The following SAMSN1 variants were observed in gnomAD, a reference collection of about 807,000 sequenced individuals.
SAMSN1 encodes the protein SAM domain, SH3 domain and nuclear localization signals 1.
SAMSN1 carries 31 observed loss-of-function variants against 42.0 expected under a neutral mutation model. That is an observed-to-expected ratio of 0.74 (90% CI 0.55 to 1.00). The LOEUF (loss-of-function observed/expected upper bound fraction) is 1.00. Ranked by LOEUF, SAMSN1 falls within the 50% of genes least tolerant of loss-of-function variation. The pLI is 0.00. For missense variants in SAMSN1, 464 were observed against 439.4 expected (o/e 1.06, Z -0.50); for synonymous variants, 178 against 151.9 (o/e 1.17, Z -1.26).
At position 14,490,481 on chromosome 21, in the gene SAMSN1, A is replaced by G. The variant is rs561174589; in HGVS notation, c.920-4367T>C. ...TGAAAACCCAGCCACTGTTCAGGTA[A>G]CTATGGCTATATTTATTTGTCCAGA... On this transcript the variant is annotated intron_variant, in intron 7 of 7. Coordinates refer to ENST00000400566, the MANE Select transcript of SAMSN1 (RefSeq NM_022136.5). Among the ~76,000 whole-genome samples the G allele has an allele frequency of 1.7e-4, 26 of 152,278 alleles. 1 individual carries two copies. The East Asian group carries it at 5.0e-3, about 29-fold the overall frequency.
chr21:14,624,974 T>A (rs1246791518), intron 2 of SAMSN1, among the ~76,000 whole-genome samples: 1 of 152,066 alleles, frequency 6.6e-6, no homozygotes, highest in Non-Finnish European at 1.5e-5. Flanking sequence ...TGGTTCAACA[T>A]ACATGAGTCA....
At chr21:14,624,056 G>A (rs1003828263) in intron 2 of SAMSN1, among the ~76,000 whole-genome samples, 2 of 152,056 alleles carry the variant, frequency 1.3e-5, no homozygotes, top group Non-Finnish European at 2.9e-5. Context: ...AAGGCAAAAA[G>A]AAAGATGTTC....
intron 4 of SAMSN1, chr21:14,612,593 A>T: frequency 1.9e-6 from 1 of 525,860 alleles, no homozygotes; most frequent in South Asian, 1.5e-5. Flanking sequence ...CAGCCAAGCT[A>T]CACATGGAGA....
chr21:14,565,736 C>T (rs1410894561), intron 2 of SAMSN1, among the ~76,000 whole-genome samples: 2 of 152,110 alleles, frequency 1.3e-5, no homozygotes, highest in Non-Finnish European at 2.9e-5. Context: ...CTCAGGATTC[C>T]TTCCTTTAAA....
chr21:14,517,138 T>G (rs1987955654), intron 2 of SAMSN1, 97 bp from the exon 3 acceptor site: 1 of 1,178,026 alleles, frequency 8.5e-7, no homozygotes, highest in Non-Finnish European at 1.2e-6. Flanking sequence ...TTTGTGGATT[T>G]TGCATGCATT....
At chr21:14,633,846 C>T (rs752389740) in intron 2 of SAMSN1, among the ~76,000 whole-genome samples, 1 of 152,084 alleles carries the variant, frequency 6.6e-6, no homozygotes, top group Non-Finnish European at 1.5e-5. Flanking sequence ...CTGACCTTGG[C>T]CTCATTAGTG....
chr21:14,629,406 C>G (rs1983265432), intron 2 of SAMSN1, among the ~76,000 whole-genome samples: 1 of 152,050 alleles, frequency 6.6e-6, no homozygotes, highest in Non-Finnish European at 1.5e-5. Context: ...ATTAGAGAGC[C>G]CCCTCAGCAT....
intron 3 of SAMSN1, among the ~76,000 whole-genome samples, chr21:14,514,099 G>A: frequency 6.6e-6 from 1 of 152,154 alleles, no homozygotes; most frequent in East Asian, 1.9e-4. Flanking sequence ...GCCCATTCTA[G>A]TGGAATGTAG....
At chr21:14,584,537 T>C (rs769631182), upstream of SAMSN1, among the ~76,000 whole-genome samples, 124 of 152,206 alleles carry the variant, frequency 8.1e-4, no homozygotes, top group African/African-American at 1.9e-3. Flanking sequence ...TAAGTATAGT[T>C]CCTCTTAAGG....
upstream of SAMSN1, among the ~76,000 whole-genome samples, chr21:14,548,856 G>C (rs1326662494): frequency 6.6e-6 from 1 of 151,882 alleles, no homozygotes. Context: ...GACAGAACAA[G>C]AATGAAGCAG....
chr21:14,548,272 G>A (rs1265731655), upstream of SAMSN1, among the ~76,000 whole-genome samples: 2 of 152,146 alleles, frequency 1.3e-5, no homozygotes, highest in East Asian at 3.9e-4. Context: ...TACCAATAAA[G>A]GACATACTTA....
chr21:14,514,668 C>A (rs1167042551), intron 3 of SAMSN1, among the ~76,000 whole-genome samples: 2 of 152,028 alleles, frequency 1.3e-5, no homozygotes, highest in African/African-American at 4.8e-5. Context: ...TCTTTTCTTC[C>A]TATTTTTTAT....
intron 7 of SAMSN1, among the ~76,000 whole-genome samples, chr21:14,489,377 CA>C (rs1404461380): frequency 1.5e-5 from 2 of 136,850 alleles, no homozygotes; most frequent in Admixed American, 1.4e-4. Context: ...TCTATTATTA[CA>C]ATTATATGAA....
At chr21:14,615,085 A>G (rs1486209738) in intron 3 of SAMSN1, among the ~76,000 whole-genome samples, 2 of 152,210 alleles carry the variant, frequency 1.3e-5, no homozygotes, top group Non-Finnish European at 2.9e-5. Flanking sequence ...CATGGTCAGA[A>G]AAACAGCCTC....
exon 5 of SAMSN1, chr21:14,609,515 C>G: frequency 2.8e-6 from 2 of 718,036 alleles, no homozygotes; most frequent in South Asian, 3.0e-5. Context: ...ATGTGGGAAT[C>G]ATTCTTATGC....
chr21:14,524,299 G>C (rs1464445712), intron 1 of SAMSN1, among the ~76,000 whole-genome samples: 1 of 152,106 alleles, frequency 6.6e-6, no homozygotes, highest in Non-Finnish European at 1.5e-5. Flanking sequence ...TTATATAATT[G>C]TAATGTATTA....
chr21:14,504,853 G>C (rs1007947649), intron 5 of SAMSN1, among the ~76,000 whole-genome samples: 2 of 152,278 alleles, frequency 1.3e-5, no homozygotes, highest in African/African-American at 4.8e-5. Flanking sequence ...GAGACAAATG[G>C]ACCAGGTAAC....
At chr21:14,598,070 A>G (rs746544392) in intron 6 of SAMSN1, 1 of 152,180 alleles carries the variant, frequency 6.6e-6, no homozygotes, top group Non-Finnish European at 1.5e-5. Flanking sequence ...AAAGAAATTG[A>G]TTGAAATGGG....
chr21:14,589,045 CTCTT>C (rs1349202780), intron 7 of SAMSN1, among the ~76,000 whole-genome samples: 1 of 152,094 alleles, frequency 6.6e-6, no homozygotes, highest in Non-Finnish European at 1.5e-5. Context: ...ATTTTGCTCA[CTCTT>C]CCTTAAGTAA....
Sources: gnomAD v4.1 joint callset for allele counts (sites outside exome capture counted in the v4.1 genomes callset) on GRCh38, gnomAD v4.1.1 for gene constraint, MANE v1.5 for transcripts, NCBI Gene and HGNC (gene_info 2026-07-23, HGNC 2026-07-21) for gene names.